The following TUSC3 variants were observed in gnomAD, a reference collection of about 807,000 sequenced individuals.
TUSC3 encodes the protein tumor suppressor candidate 3.
In TUSC3, 45 loss-of-function variants were observed where a neutral mutation model predicts 44.8. The ratio of observed to expected loss-of-function variants is 1.00; its 90% CI spans 0.79 to 1.29. The LOEUF (loss-of-function observed/expected upper bound fraction) is 1.29. Ranked by LOEUF, TUSC3 falls within the 50% of genes most tolerant of loss-of-function variation. The probability of loss-of-function intolerance (pLI) is 0.00; values close to 1 mark genes in which losing one functional copy is unlikely to be tolerated. For synonymous variants in TUSC3, 212 were observed against 152.9 expected (o/e 1.39, Z -2.85); for missense variants, 519 against 437.9 (o/e 1.19, Z -1.65).
At chr8:15,775,133 A>C in the TUSC3 span, among the ~76,000 whole-genome samples, 1 of 152,158 alleles carries the variant, frequency 6.6e-6, no homozygotes, top group Non-Finnish European at 1.5e-5. Flanking sequence ...ATTTACCCAT[A>C]AAAAAGTTAT....
At chr8:15,623,478 A>C (rs6998951) in intron 2 of TUSC3, among the ~76,000 whole-genome samples, 1 of 152,146 alleles carries the variant, frequency 6.6e-6, no homozygotes, top group African/African-American at 2.4e-5. Flanking sequence ...ATATAATCAT[A>C]AAACCGTTTT....
chr8:15,515,583 ATCATTGGAGTTTT>A (rs1801205515), intron 2 of TUSC3, among the ~76,000 whole-genome samples: 1 of 152,166 alleles, frequency 6.6e-6, no homozygotes, highest in Non-Finnish European at 1.5e-5. Flanking sequence ...AGAGCAAAAT[ATCATTGGAGTTTT>A]TATTAATCAA....
At chr8:15,459,875 T>TATACATACATACATAC (rs139425502) in intron 1 of TUSC3, among the ~76,000 whole-genome samples, 1 of 148,180 alleles carries the variant, frequency 6.7e-6, no homozygotes, top group South Asian at 2.1e-4. Flanking sequence ...TGTGTGTGTG[T>TATACATACATACATAC]ATACATACAT....
chr8:15,753,782 C>A (rs1811808364), intron 9 of TUSC3, among the ~76,000 whole-genome samples: 1 of 151,952 alleles, frequency 6.6e-6, no homozygotes, highest in South Asian at 2.1e-4. Flanking sequence ...GAGATTTGGA[C>A]ACACCCTGAG....
intron 2 of TUSC3, among the ~76,000 whole-genome samples, chr8:15,496,321 G>T (rs898913586): frequency 6.6e-6 from 1 of 152,178 alleles, no homozygotes; most frequent in African/African-American, 2.4e-5. Context: ...TTCACTTAGT[G>T]TAGGCTATTA....
the TUSC3 span, among the ~76,000 whole-genome samples, chr8:15,826,743 G>A: frequency 3.3e-5 from 5 of 150,322 alleles, no homozygotes; most frequent in Non-Finnish European, 1.5e-5. Context: ...GAGGAATGGG[G>A]AGGCTTTATG....
chr8:15,831,516 A>G, the TUSC3 span, among the ~76,000 whole-genome samples: 2 of 151,518 alleles, frequency 1.3e-5, no homozygotes, highest in South Asian at 4.2e-4. Context: ...GAGATGCAGG[A>G]GTACATTGAA....
intron 2 of TUSC3, among the ~76,000 whole-genome samples, chr8:15,510,056 C>G (rs1801111410): frequency 6.6e-6 from 1 of 152,018 alleles, no homozygotes; most frequent in Non-Finnish European, 1.5e-5. Context: ...AACTGTAGTC[C>G]TAGCTCCCTG....
At chr8:15,738,827 C>CTTTTTT (rs375655033) in intron 7 of TUSC3, among the ~76,000 whole-genome samples, 62 of 87,174 alleles carry the variant, frequency 7.1e-4, no homozygotes, top group East Asian at 3.0e-3. Flanking sequence ...ATATATCTTG[C>CTTTTTT]TTTTTTTTTT....
At chr8:15,632,803 G>A (rs567139942) in intron 2 of TUSC3, among the ~76,000 whole-genome samples, 9 of 152,134 alleles carry the variant, frequency 5.9e-5, no homozygotes, top group African/African-American at 2.2e-4. Flanking sequence ...CCATTACTAG[G>A]ATTATTCTTC....
At chr8:15,808,312 A>C in the TUSC3 span, among the ~76,000 whole-genome samples, 2 of 152,110 alleles carry the variant, frequency 1.3e-5, no homozygotes, top group South Asian at 2.1e-4. Flanking sequence ...TAATATATTA[A>C]ACATAAAAAG....
intron 9 of TUSC3, among the ~76,000 whole-genome samples, chr8:15,751,395 T>G (rs926542396): frequency 6.6e-6 from 1 of 152,234 alleles, no homozygotes; most frequent in African/African-American, 2.4e-5. Flanking sequence ...CTATTATTAC[T>G]GAGTAATGTC....
At chr8:15,632,732 C>T (rs1805828279) in intron 2 of TUSC3, among the ~76,000 whole-genome samples, 1 of 152,136 alleles carries the variant, frequency 6.6e-6, no homozygotes, top group African/African-American at 2.4e-5. Flanking sequence ...GCAAGGTTTG[C>T]CAACCTCACT....
chr8:15,691,443 A>G (rs565249044), intron 6 of TUSC3, among the ~76,000 whole-genome samples: 19 of 152,198 alleles, frequency 1.2e-4, no homozygotes, highest in Admixed American at 2.0e-4. Flanking sequence ...GGAGAGTTAA[A>G]TTGTCTGCAA....
At chr8:15,699,603 T>C (rs1465582303) in intron 6 of TUSC3, among the ~76,000 whole-genome samples, 1 of 152,216 alleles carries the variant, frequency 6.6e-6, no homozygotes, top group Non-Finnish European at 1.5e-5. Flanking sequence ...AATACTTGTA[T>C]TTTCAAATGA....
Position 15,766,479 on chromosome 8 carries a change from GATT to G in TUSC3, c.*2326_*2328del, listed in dbSNP as rs1324373549. ...TGCGTTCCAAACTGTCATAAAAATT[GATT>G]ATATGTTTAACAATTGTTTTTCTAC... On this transcript the variant is annotated 3_prime_UTR_variant, in exon 11 of 11. Coordinates refer to ENST00000503731, the MANE Select transcript of TUSC3 (RefSeq NM_006765.4). 6.6e-6 allele frequency: 1 copy of G among 152,022 alleles called. No homozygotes were observed. The highest frequency in any genetic ancestry group is 1.5e-5 in the Non-Finnish European group (1 of 67,990). The allele number at this position is 152,022 out of a possible 1,614,324, so 9.4% of individuals were successfully genotyped here.
chr8:15,757,832 C>T lies in TUSC3; in HGVS notation c.*23C>T. ...TGAGAAGATGTGATTTGGACCATGG[C>T]ACTTAAAAACTCTATAACCTCAGGC... On this transcript the variant is annotated 3_prime_UTR_variant, in exon 10 of 11. Transcript: ENST00000503731. The T allele has an allele frequency of 7.3e-7, 1 of 1,375,464 alleles. No homozygotes were observed. The highest frequency in any genetic ancestry group is 1.0e-6 in the Non-Finnish European group (1 of 962,540). The allele number at this position is 1,375,464 out of a possible 1,614,324, so 85.2% of individuals were successfully genotyped here.
At chr8:15,514,693 A>G (rs915016128) in intron 2 of TUSC3, among the ~76,000 whole-genome samples, 3 of 152,180 alleles carry the variant, frequency 2.0e-5, no homozygotes, top group African/African-American at 7.2e-5. Flanking sequence ...TTTTAGTGTT[A>G]GTATGTTTTA....
At chr8:15,756,458 A>G (rs1415992210) in intron 9 of TUSC3, among the ~76,000 whole-genome samples, 2 of 152,158 alleles carry the variant, frequency 1.3e-5, no homozygotes, top group Non-Finnish European at 2.9e-5. Context: ...CATTTCAGCA[A>G]CTGATTATTC....
Sources: allele counts gnomAD v4.1 joint callset (sites outside exome capture counted in the v4.1 genomes callset), GRCh38; gene constraint gnomAD v4.1.1; transcripts MANE v1.5; gene names NCBI Gene and HGNC (gene_info 2026-07-23, HGNC 2026-07-21).